STX8: variants seen among roughly 807,000 people sequenced by gnomAD.
STX8 encodes syntaxin-8.
In STX8, 23 loss-of-function variants were observed where a neutral mutation model predicts 37.5. The observed-to-expected ratio is 0.61, with a 90% confidence interval of 0.44 to 0.87. The LOEUF is 0.87. Ranked by LOEUF, STX8 falls within the 40% of genes least tolerant of loss-of-function variation. STX8 has a pLI of 0.00. For missense variants in STX8, 313 were observed against 284.7 expected (o/e 1.10, Z -0.71); for synonymous variants, 115 against 99.1 (o/e 1.16, Z -0.95).
chr17:9,422,120 T>G (rs1238551700), intron 6 of STX8, among the ~76,000 whole-genome samples: 1 of 151,862 alleles, frequency 6.6e-6, no homozygotes, highest in Non-Finnish European at 1.5e-5. Context: ...TTTTTTTTTT[T>G]TGAGACAGAG....
chr17:9,339,706 G>A (rs2042483191), intron 7 of STX8, among the ~76,000 whole-genome samples: 1 of 152,088 alleles, frequency 6.6e-6, no homozygotes, highest in Non-Finnish European at 1.5e-5. Flanking sequence ...CTGTCTATTG[G>A]CCTATGCTCA....
chr17:9,395,792 A>G (rs1031774919), intron 6 of STX8, among the ~76,000 whole-genome samples: 2 of 152,202 alleles, frequency 1.3e-5, no homozygotes, highest in Admixed American at 1.3e-4. Context: ...GATCCAAGAC[A>G]ATTATACCCA....
intron 7 of STX8, among the ~76,000 whole-genome samples, chr17:9,338,236 T>C (rs1292795961): frequency 1.3e-5 from 2 of 151,954 alleles, no homozygotes; most frequent in Non-Finnish European, 2.9e-5. Context: ...GTATTTTTAG[T>C]AGAGATGGGT....
intron 7 of STX8, among the ~76,000 whole-genome samples, chr17:9,331,707 T>C (rs1433111755): frequency 2.0e-5 from 3 of 152,194 alleles, no homozygotes; most frequent in African/African-American, 7.2e-5. Flanking sequence ...CCTGACTAGC[T>C]TGTAAAAATG....
At chr17:9,567,680 T>C (rs1352921289) in intron 2 of STX8, among the ~76,000 whole-genome samples, 2 of 152,268 alleles carry the variant, frequency 1.3e-5, no homozygotes, top group Non-Finnish European at 1.5e-5. Context: ...AAACTAAAGA[T>C]GGTTTTTACA....
In STX8 at chr17:9,452,958, A is replaced by G. The variant is rs575209011; in HGVS notation, c.541+38871T>C. Reference sequence around the variant, plus strand: ...GTAGCTGGGATTACAGGTGCCCACCACCACGCCCAGCTAATTTTTGTATTT... The same window carrying G: ...GTAGCTGGGATTACAGGTGCCCACCGCCACGCCCAGCTAATTTTTGTATTT... On this transcript the variant is annotated intron_variant, in intron 6 of 7. Transcript: ENST00000306357. Among the ~76,000 whole-genome samples the G allele has an allele frequency of 1.2e-4, 18 of 152,150 alleles. No individual in the cohort carries two copies. The South Asian group carries it at 3.7e-3, about 32-fold the overall frequency.
chr17:9,472,194 A>C (rs1054369773), intron 6 of STX8, among the ~76,000 whole-genome samples: 2 of 152,006 alleles, frequency 1.3e-5, no homozygotes, highest in African/African-American at 4.8e-5. Flanking sequence ...CCAGAGCCAG[A>C]GTGTCCACTG....
chr17:9,501,739 C>T (rs1252431665), intron 5 of STX8, among the ~76,000 whole-genome samples: 2 of 151,574 alleles, frequency 1.3e-5, no homozygotes, highest in Non-Finnish European at 1.5e-5. Context: ...TTTGGGAGGC[C>T]GAGGCAGGCG....
At chr17:9,304,074 G>A (rs8075047) in intron 7 of STX8, among the ~76,000 whole-genome samples, 35,237 of 151,746 alleles carry the variant, frequency 0.23, 5,449 homozygotes, top group African/African-American at 0.44. Context: ...TTTATAAAAA[G>A]TCTCTCAACT....
intron 1 of STX8, among the ~76,000 whole-genome samples, 175 bp from the exon 2 acceptor site, chr17:9,568,645 C>T (rs757534672): frequency 2.6e-4 from 40 of 152,306 alleles, no homozygotes; most frequent in Middle Eastern, 3.4e-3. Context: ...GGACTACAGG[C>T]GCCCGCTATC....
intron 6 of STX8, among the ~76,000 whole-genome samples, chr17:9,410,010 G>A (rs1050028121): frequency 2.0e-5 from 3 of 152,156 alleles, no homozygotes; most frequent in Non-Finnish European, 4.4e-5. Context: ...GAAAGGATTG[G>A]GGGTGGGGGA....
intron 6 of STX8, among the ~76,000 whole-genome samples, chr17:9,462,576 C>T (rs967073458): frequency 7.9e-5 from 12 of 151,920 alleles, no homozygotes; most frequent in Admixed American, 2.6e-4. Flanking sequence ...ACAAAAAATT[C>T]GCTGGGCGTG....
chr17:9,268,454 G>T (rs1306714448), intron 7 of STX8, among the ~76,000 whole-genome samples: 2 of 152,172 alleles, frequency 1.3e-5, no homozygotes, highest in Non-Finnish European at 2.9e-5. Flanking sequence ...CACATGGTAT[G>T]CAAACAGGAG....
chr17:9,267,412 A>C (rs1907267744), intron 7 of STX8, among the ~76,000 whole-genome samples: 1 of 152,134 alleles, frequency 6.6e-6, no homozygotes, highest in South Asian at 2.1e-4. Flanking sequence ...CAATCTTTGG[A>C]TAGAAAGCGC....
chr17:9,447,287 A>T (rs1386678253), intron 6 of STX8, among the ~76,000 whole-genome samples: 1 of 152,260 alleles, frequency 6.6e-6, no homozygotes, highest in Non-Finnish European at 1.5e-5. Flanking sequence ...TTCAGAGTTC[A>T]ACATTTTAAA....
chr17:9,464,503 A>C (rs1431805459), intron 6 of STX8, among the ~76,000 whole-genome samples: 1 of 152,214 alleles, frequency 6.6e-6, no homozygotes, highest in Non-Finnish European at 1.5e-5. Context: ...AAAAGTACTG[A>C]AACAGGAGAT....
chr17:9,459,757 C>T (rs1265073812), intron 6 of STX8, among the ~76,000 whole-genome samples: 1 of 152,222 alleles, frequency 6.6e-6, no homozygotes, highest in Non-Finnish European at 1.5e-5. Context: ...CCTTGTGATC[C>T]ACCTGCCTCG....
At chr17:9,448,223 A>G (rs1904921259) in intron 6 of STX8, among the ~76,000 whole-genome samples, 1 of 151,786 alleles carries the variant, frequency 6.6e-6, no homozygotes, top group African/African-American at 2.4e-5. Flanking sequence ...TTGCATATTT[A>G]TGAATTTGCC....
intron 7 of STX8, among the ~76,000 whole-genome samples, chr17:9,302,865 T>C (rs1479777420): frequency 2.7e-5 from 4 of 150,756 alleles, no homozygotes; most frequent in Non-Finnish European, 5.9e-5. Context: ...ATATTCGGGG[T>C]GGTGGAAAGA....
Sources: allele counts gnomAD v4.1 joint callset (sites outside exome capture counted in the v4.1 genomes callset), GRCh38; gene constraint gnomAD v4.1.1; transcripts MANE v1.5; gene names NCBI Gene and HGNC (gene_info 2026-07-23, HGNC 2026-07-21).